The following FAM184B variants were observed in gnomAD, a reference collection of about 807,000 sequenced individuals.
FAM184B encodes protein FAM184B.
Under a neutral mutation model 135.9 loss-of-function variants are expected in FAM184B, and 111 were observed. That is an observed-to-expected ratio of 0.82 (90% CI 0.70 to 0.96). FAM184B has a LOEUF of 0.96. Among genes scored for constraint, FAM184B ranks in the 40% least tolerant of loss-of-function variants. The pLI, the probability that FAM184B is intolerant of heterozygous loss-of-function variation, is 0.00. For missense variants in FAM184B, 1,375 were observed against 1,323.9 expected (o/e 1.04, Z -0.60); for synonymous variants, 552 against 524.8 (o/e 1.05, Z -0.71).
rs1028470825 is a variant in FAM184B at position 17,629,941 on chromosome 4, C to G, written c.*2591G>C. On this transcript the variant is annotated 3_prime_UTR_variant, in exon 18 of 18. Transcript: ENST00000265018. ...GTCCTTAAATGCCTTACTTCAATAC[C>G]CAAGGCATATGGCCTCAATAAAAAA... is the stretch of plus-strand genomic sequence containing the variant. 4 of 152,098 alleles carry G rather than the reference C, an allele frequency of 2.6e-5. No individual in the cohort carries two copies. Among genetic ancestry groups the G allele is most frequent in the Admixed American group, 2.6e-4 (4 of 15,268 alleles). 9.4% of individuals were successfully genotyped at this position (152,098 alleles called of 1,614,324 possible). A position where few individuals can be genotyped will look rare whatever the true frequency, so the allele number is the denominator to read the frequency against.
At chr4:17,705,626 G>T (rs936156224) in intron 4 of FAM184B, 126 bp downstream of exon 4, 8 of 1,158,894 alleles carry the variant, frequency 6.9e-6, no homozygotes, top group Non-Finnish European at 6.0e-6. Context: ...TCTACTCCAG[G>T]AACTACAGGG....
intron 1 of FAM184B, among the ~76,000 whole-genome samples, chr4:17,775,288 C>T (rs62412707): frequency 0.38 from 57,674 of 151,790 alleles, 12,869 homozygotes; most frequent in Non-Finnish European, 0.51. Context: ...TGGGTTCAAT[C>T]GATTCTCCTG....
chr4:17,707,211 A>G (rs1304689028), intron 3 of FAM184B, among the ~76,000 whole-genome samples: 2 of 152,208 alleles, frequency 1.3e-5, no homozygotes, highest in East Asian at 1.9e-4. Flanking sequence ...TGTTGGGATT[A>G]CAGGCATGAG....
rs1232827284 is a variant in FAM184B, at chr4:17,652,905, C to T, written c.2116G>A (p.Ala706Thr). 4 of 1,551,648 alleles carry T rather than the reference C, an allele frequency of 2.6e-6. No homozygotes were observed. Among genetic ancestry groups the T allele is most frequent in the African/African-American group, 2.7e-5 (2 of 73,060 alleles). ...TCTTGCCTGGCCTTTTCCTCCAAGGCCTGGAGCTCCAGTCGGTGTGTCTGG... is the reference window on the plus strand; with the variant it reads ...TCTTGCCTGGCCTTTTCCTCCAAGGTCTGGAGCTCCAGTCGGTGTGTCTGG... ...QHQTHRLELQ[A>T]LEEKARQELQ... Residue 706 changes from alanine (A) to threonine (T), a missense_variant, in exon 11 of 18, where the codon GCC (alanine) becomes ACC (threonine). Transcript: ENST00000265018.
At position 17,694,931 on chromosome 4, in the gene FAM184B, A is replaced by G. The variant is rs942977076; in HGVS notation, c.1378-1519T>C. ...GTGCTCCAGAAAGTGACTTTAGAGT[A>G]AAATCCTGTAATAAGTGAGGGAGTT... On this transcript the variant is annotated intron_variant, in intron 5 of 17. Coordinates refer to ENST00000265018, the MANE Select transcript of FAM184B (RefSeq NM_015688.2). Among the ~76,000 whole-genome samples the G allele has an allele frequency of 2.0e-5, 3 of 152,158 alleles. No homozygotes were observed. The South Asian group carries it at 6.2e-4, about 32-fold the overall frequency.
At chr4:17,765,648 T>A (rs578067240) in intron 1 of FAM184B, among the ~76,000 whole-genome samples, 5 of 152,370 alleles carry the variant, frequency 3.3e-5, no homozygotes, top group Admixed American at 2.0e-4. Context: ...CTGCTGACAC[T>A]GCCACCTGTT....
At chr4:17,633,965 G>T in intron 16 of FAM184B, 77 bp from the exon 17 acceptor site, 2 of 1,166,440 alleles carry the variant, frequency 1.7e-6, no homozygotes, top group Non-Finnish European at 2.3e-6. Context: ...AGCAAATAAT[G>T]CTCACCCAAT....
At chr4:17,768,426 C>T (rs777901550) in intron 1 of FAM184B, among the ~76,000 whole-genome samples, 30 of 152,068 alleles carry the variant, frequency 2.0e-4, no homozygotes, top group Admixed American at 5.2e-4. Flanking sequence ...AGGCACACCC[C>T]GCCACGCCCA....
In FAM184B at chr4:17,781,237, G is replaced by C; in HGVS notation, c.63C>G (p.Asp21Glu). 1 of 1,550,818 alleles carries C rather than the reference G, an allele frequency of 6.4e-7. No individual in the cohort carries two copies. The highest frequency in any genetic ancestry group is 2.4e-5 in the East Asian group (1 of 40,842). The stretch of plus-strand genomic sequence containing the variant: ...AGTCCATTCTCCAGCCGGCGCCACC[G>C]TCGGCTTTGGAGCCCTGGCAAGTGC... Reference protein sequence around the residue: ...PPGTCQGSKADGGAGWRMDCD... With the variant: ...PPGTCQGSKAEGGAGWRMDCD... Residue 21 changes from aspartate (D) to glutamate (E), a missense_variant, in exon 1 of 18, where the codon GAC becomes GAG. Transcript: ENST00000265018. This position sits in a 1 kb window ranked among gnomAD's most constrained non-coding sequence, Gnocchi z 6.5.
At chr4:17,742,168 A>ATATATATTTTTTTTT (rs1459958150) in intron 1 of FAM184B, among the ~76,000 whole-genome samples, 1 of 109,310 alleles carries the variant, frequency 9.1e-6, no homozygotes, top group African/African-American at 4.8e-5. Flanking sequence ...ATATATATAT[A>ATATATATTTTTTTTT]TTTTTTTTTT....
chr4:17,713,877 T>C (rs933702821), intron 1 of FAM184B, among the ~76,000 whole-genome samples: 6 of 152,092 alleles, frequency 3.9e-5, no homozygotes, highest in African/African-American at 1.4e-4. Flanking sequence ...TTTAATCCAG[T>C]AGGAGAGTCA....
At chr4:17,748,994 T>A (rs1039915282) in intron 1 of FAM184B, among the ~76,000 whole-genome samples, 1 of 38,128 alleles carries the variant, frequency 2.6e-5, no homozygotes, top group Non-Finnish European at 6.1e-5. Context: ...ACCCAGCTAA[T>A]TTTTTTTTTT....
At chr4:17,771,333 C>A (rs1214137693) in intron 1 of FAM184B, among the ~76,000 whole-genome samples, 1 of 152,056 alleles carries the variant, frequency 6.6e-6, no homozygotes, top group East Asian at 1.9e-4. Context: ...GTGGAGAGAC[C>A]AGAATGGTTA....
intron 1 of FAM184B, among the ~76,000 whole-genome samples, chr4:17,779,114 G>A (rs1306818210): frequency 6.6e-6 from 1 of 152,126 alleles, no homozygotes; most frequent in Non-Finnish European, 1.5e-5. Flanking sequence ...TAATCTGATA[G>A]AAGGCAAGAA....
intron 1 of FAM184B, among the ~76,000 whole-genome samples, chr4:17,770,065 G>A (rs2108997053): frequency 6.6e-6 from 1 of 152,310 alleles, no homozygotes. Flanking sequence ...TCTGAGAGAA[G>A]GGTGGTGTGG....
chr4:17,691,083 T>C (rs1271622174), intron 6 of FAM184B, among the ~76,000 whole-genome samples: 8 of 152,154 alleles, frequency 5.3e-5, no homozygotes, highest in Non-Finnish European at 8.8e-5. Context: ...ATTCAGGTTC[T>C]GAGTGACCCT....
rs73095701 is a variant in FAM184B at position 17,751,486 on chromosome 4, C to G, written c.141+29673G>C. 3.2e-3 allele frequency among the ~76,000 whole-genome samples: 491 copies of G among 152,108 alleles called. 3 individuals carry two copies. Among genetic ancestry groups the G allele is most frequent in the African/African-American group, 0.011 (459 of 41,480 alleles). On this transcript the variant is annotated intron_variant, in intron 1 of 17. Coordinates refer to ENST00000265018, the MANE Select transcript of FAM184B (RefSeq NM_015688.2). The stretch of plus-strand genomic sequence containing the variant: ...TGACATCCCTGAGACACTGAAGTAC[C>G]TCTCTCCATGGAGAGGCTCTACCTC...
chr4:17,779,213 T>C (rs1328381375), intron 1 of FAM184B, among the ~76,000 whole-genome samples: 2 of 152,140 alleles, frequency 1.3e-5, no homozygotes, highest in Admixed American at 1.3e-4. Context: ...GTAATCGCAA[T>C]AAATCCCTGT....
Position 17,721,823 on chromosome 4 carries a change from G to A in FAM184B, c.142-12179C>T, listed in dbSNP as rs542291134. Among the ~76,000 whole-genome samples, 3 of 152,294 alleles carry A rather than the reference G, an allele frequency of 2.0e-5. No homozygotes were observed. The South Asian group carries it at 6.2e-4, about 32-fold the overall frequency. On this transcript the variant is annotated intron_variant, in intron 1 of 17. Coordinates refer to ENST00000265018, the MANE Select transcript of FAM184B (RefSeq NM_015688.2). ...AGATATGCATTTTTAACATTCCCTC[G>A]CAATGGGCCTAAGATCTGAAAGCCA...
Sources: gnomAD v4.1 joint callset for allele counts (sites outside exome capture counted in the v4.1 genomes callset) on GRCh38, gnomAD v4.1.1 for gene constraint, Gnocchi (gnomAD v3.1) non-coding constraint, MANE v1.5 for transcripts, NCBI Gene and HGNC (gene_info 2026-07-23, HGNC 2026-07-21) for gene names.